The following UTP25 variants were observed in gnomAD, a reference collection of about 807,000 sequenced individuals.
UTP25 encodes U3 small nucleolar RNA-associated protein 25 homolog.
In UTP25, 50 loss-of-function variants were observed where a neutral mutation model predicts 78.9. The ratio of observed to expected loss-of-function variants is 0.63; its 90% confidence interval spans 0.50 to 0.80. UTP25 has a LOEUF of 0.80. Ranked by LOEUF, UTP25 falls within the 30% of genes least tolerant of loss-of-function variation. The pLI is 0.00. For synonymous variants in UTP25, 329 were observed against 336.5 expected (o/e 0.98, Z 0.24); for missense variants, 846 against 911.3 (o/e 0.93, Z 0.92).
At chr1:209,845,402 G>T (rs2078191906) in intron 11 of UTP25, among the ~76,000 whole-genome samples, 1 of 152,232 alleles carries the variant, frequency 6.6e-6, no homozygotes, top group African/African-American at 2.4e-5. Context: ...ACAAATGAAA[G>T]CAAGCCCTTT....
chr1:209,831,921 C>T (rs138055071), intron 3 of UTP25, among the ~76,000 whole-genome samples: 1,533 of 152,134 alleles, frequency 0.01, 24 homozygotes, highest in African/African-American at 0.035. Flanking sequence ...GCTGGAATAG[C>T]ATTCCATTGT....
At chr1:209,843,205 A>G in intron 10 of UTP25, 1 of 537,326 alleles carries the variant, frequency 1.9e-6, no homozygotes, top group Non-Finnish European at 3.3e-6. Flanking sequence ...TACTTCCTAG[A>G]GTAATTCTCT....
chr1:209,830,402 C>G (rs975039735), intron 2 of UTP25, among the ~76,000 whole-genome samples: 3 of 151,248 alleles, frequency 2.0e-5, no homozygotes, highest in Non-Finnish European at 2.9e-5. Context: ...TCAGAGGGCT[C>G]TTAGTGAATC....
At chr1:209,831,092 G>T in intron 3 of UTP25, 49 bp downstream of exon 3, 1 of 1,593,698 alleles carries the variant, frequency 6.3e-7, no homozygotes, top group South Asian at 1.1e-5. Flanking sequence ...ACTATAGACA[G>T]TTCATCTCAT....
chr1:209,851,292 GCCA>G lies in UTP25; in HGVS notation c.2120_2122del (p.Thr707del), dbSNP rs2078236581. On this transcript the variant is annotated inframe_deletion, in exon 12 of 12. Transcript: ENST00000491415. ...CAGTGAAATCTGTAATATGCTGAGA[GCCA>G]CCAACAGAGGAGAAGAGGCCACGTG... 1 of 1,614,046 alleles carries G rather than the reference GCCA, an allele frequency of 6.2e-7. No individual in the cohort carries two copies. The highest frequency in any genetic ancestry group is 1.3e-5 in the African/African-American group (1 of 74,904).
chr1:209,856,428 C>G lies in UTP25; in HGVS notation c.*4981C>G, dbSNP rs2078276352. 1 of 152,232 alleles carries G rather than the reference C, an allele frequency of 6.6e-6. No individual in the cohort carries two copies. Among genetic ancestry groups the G allele is most frequent in the Non-Finnish European group, 1.5e-5 (1 of 68,056 alleles). The allele number at this position is 152,232 out of a possible 1,614,324, so 9.4% of individuals were successfully genotyped here. On this transcript the variant is annotated 3_prime_UTR_variant, in exon 12 of 12. Transcript: ENST00000491415. ...AGAGGAGCACCACTTTTACCTTCTG[C>G]TCTTCCCTTTTTCCTGCCTGGAACG... is the stretch of plus-strand genomic sequence containing the variant.
chr1:209,851,261 C>T lies in UTP25; in HGVS notation c.2085C>T (p.His695=), dbSNP rs770401580. 11 of 1,614,176 alleles carry T rather than the reference C, an allele frequency of 6.8e-6. No homozygotes were observed. Among genetic ancestry groups the T allele is most frequent in the Non-Finnish European group, 8.5e-6 (10 of 1,180,022 alleles). ...LIFYELPTYP[H]FYSEICNMLR... ...TCTATGAACTGCCGACATATCCACA[C>T]TTTTACAGTGAAATCTGTAATATGC... The change falls in exon 12 of 12, where the codon CAC becomes CAT. Residue 695 remains histidine (H), a synonymous_variant. Transcript: ENST00000491415.
intron 7 of UTP25, among the ~76,000 whole-genome samples, chr1:209,840,344 C>T (rs1477331344): frequency 6.6e-6 from 1 of 152,180 alleles, no homozygotes. Context: ...GAAGGACAGA[C>T]AAGGGCCAGG....
intron 6 of UTP25, 72 bp downstream of exon 6, chr1:209,837,283 T>C (rs1298341837): frequency 2.0e-6 from 3 of 1,496,268 alleles, no homozygotes; most frequent in Non-Finnish European, 2.7e-6. Context: ...GCCTGACACT[T>C]AGCAGGAACT....
Position 209,839,059 on chromosome 1 carries a change from C to G in UTP25, c.1213C>G (p.Pro405Ala). Residue 405 changes from proline to alanine, a missense_variant, in exon 7 of 12, where the codon CCC (proline) becomes GCC (alanine). Coordinates refer to ENST00000491415, the MANE Select transcript of UTP25 (RefSeq NM_014388.7). Reference sequence around the variant, plus strand: ...TGGATCAGATCCCGAGGAGAGACCACCCAACTTGAAGAGGCCTGAGGATTA... The same window carrying G: ...TGGATCAGATCCCGAGGAGAGACCAGCCAACTTGAAGAGGCCTGAGGATTA... ...EYGSDPEERP[P>A]NLKRPEDYEA... The G allele has an allele frequency of 6.2e-7, 1 of 1,614,084 alleles. No homozygotes were observed.
At chr1:209,839,199 T>G in intron 7 of UTP25, 71 bp downstream of exon 7, 1 of 1,384,772 alleles carries the variant, frequency 7.2e-7, no homozygotes. Flanking sequence ...GAAGCTGGAA[T>G]TAGATATTTT....
intron 5 of UTP25, among the ~76,000 whole-genome samples, chr1:209,836,479 T>C (rs2078133634): frequency 6.6e-6 from 1 of 152,240 alleles, no homozygotes; most frequent in Admixed American, 6.5e-5. Context: ...GAATGAATGT[T>C]GACTCTTCCC....
chr1:209,851,132 T>A, intron 11 of UTP25, 72 bp from the exon 12 acceptor site: 1 of 1,537,450 alleles, frequency 6.5e-7, no homozygotes, highest in Non-Finnish European at 8.8e-7. Context: ...TATGCCTCTG[T>A]ACAACTCCTA....
rs867881397 is a variant in UTP25, at chr1:209,851,554, A to C, written c.*107A>C. On this transcript the variant is annotated 3_prime_UTR_variant, in exon 12 of 12. Transcript: ENST00000491415. ...ACAGAAGAAGGACTGATACAAAGAA[A>C]GTGCATGAGGCAATGTCAGTATTAT... 1 of 1,396,854 alleles carries C rather than the reference A, an allele frequency of 7.2e-7. No individual in the cohort carries two copies. Among genetic ancestry groups the C allele is most frequent in the African/African-American group, 1.4e-5 (1 of 69,080 alleles). 86.5% of individuals were successfully genotyped at this position (1,396,854 alleles called of 1,614,324 possible).
intron 11 of UTP25, among the ~76,000 whole-genome samples, chr1:209,844,961 T>C (rs7525951): frequency 0.17 from 26,147 of 152,230 alleles, 2,526 homozygotes; most frequent in African/African-American, 0.25. Context: ...TAACTCACAA[T>C]GGGTGCATTT....
intron 3 of UTP25, among the ~76,000 whole-genome samples, chr1:209,832,507 G>T (rs1179943044): frequency 6.6e-6 from 1 of 152,086 alleles, no homozygotes; most frequent in Non-Finnish European, 1.5e-5. Flanking sequence ...TACTATGTCT[G>T]GTTACTATTT....
chr1:209,835,609 G>C (rs2078128760), intron 5 of UTP25, among the ~76,000 whole-genome samples: 1 of 152,038 alleles, frequency 6.6e-6, no homozygotes, highest in Non-Finnish European at 1.5e-5. Context: ...ATCTGAGGTA[G>C]GTCCACAAAT....
At chr1:209,831,599 A>G (rs2078103667) in intron 3 of UTP25, among the ~76,000 whole-genome samples, 1 of 152,186 alleles carries the variant, frequency 6.6e-6, no homozygotes, top group Non-Finnish European at 1.5e-5. Flanking sequence ...TCATTTACAT[A>G]CAGTAAAACG....
chr1:209,828,751 AC>A (rs2078085428), intron 1 of UTP25, among the ~76,000 whole-genome samples: 2 of 33,926 alleles, frequency 5.9e-5, no homozygotes, highest in African/African-American at 2.3e-4. Flanking sequence ...TTTTTTGTAG[AC>A]ACACATATAT....
Sources: gnomAD v4.1 joint callset for allele counts (sites outside exome capture counted in the v4.1 genomes callset) on GRCh38, gnomAD v4.1.1 for gene constraint, MANE v1.5 for transcripts, NCBI Gene and HGNC (gene_info 2026-07-23, HGNC 2026-07-21) for gene names.